ASPHD1: variants seen among roughly 807,000 people sequenced by gnomAD.
The protein encoded by ASPHD1 is aspartate beta-hydroxylase domain-containing protein 1.
Under a neutral mutation model 28.3 loss-of-function variants are expected in ASPHD1, and 20 were observed. That is an observed-to-expected ratio of 0.71 (90% confidence interval 0.50 to 1.03). The LOEUF is 1.03. Ranked by LOEUF, ASPHD1 falls within the 50% of genes least tolerant of loss-of-function variation. The pLI is 0.00. For synonymous variants in ASPHD1, 240 were observed against 221.2 expected (o/e 1.08, Z -0.75); for missense variants, 479 against 524.1 (o/e 0.91, Z 0.84).
chr16:29,904,913 G>A lies in ASPHD1; in HGVS notation c.1011G>A (p.Glu337=), dbSNP rs779282127. The change falls in exon 2 of 3, where the codon GAG becomes GAA. Residue 337 remains glutamate, a synonymous_variant. Coordinates refer to ENST00000308748, the MANE Select transcript of ASPHD1 (RefSeq NM_181718.4). ...VVGGEPQCWA[E]GHCLLVDDSF... Reference sequence around the variant, plus strand: ...GCGGTGAGCCCCAGTGCTGGGCTGAGGGGCACTGTCTACTGGTGGACGACT... The same window carrying A: ...GCGGTGAGCCCCAGTGCTGGGCTGAAGGGCACTGTCTACTGGTGGACGACT... 3.7e-6 allele frequency: 6 copies of A among 1,613,470 alleles called. No individual in the cohort carries two copies. Among genetic ancestry groups the A allele is most frequent in the Non-Finnish European group, 5.1e-6 (6 of 1,179,856 alleles).
chr16:29,908,077 C>CT (rs138027680), downstream of ASPHD1, among the ~76,000 whole-genome samples: 3,828 of 151,268 alleles, frequency 0.025, 178 homozygotes, highest in African/African-American at 0.086. Context: ...AGTGTTACAA[C>CT]TTTAAGAAGG....
chr16:29,906,057 C>T (rs1340536465), downstream of ASPHD1: 14 of 531,542 alleles, frequency 2.6e-5, no homozygotes, highest in Non-Finnish European at 4.6e-5. Context: ...CCTCTCCTAA[C>T]TCCCGACTAC....
intron 3 of ASPHD1, chr16:29,915,149 A>T (rs2068788009): frequency 6.6e-6 from 1 of 152,168 alleles, no homozygotes; most frequent in South Asian, 2.1e-4. Context: ...CACCTCTTCC[A>T]TGAAAGATGT....
intron 3 of ASPHD1, chr16:29,914,663 C>T (rs541540897): frequency 1.3e-5 from 2 of 152,384 alleles, no homozygotes; most frequent in African/African-American, 4.8e-5. Context: ...TAACTCCTGA[C>T]CTCAGGTGAT....
At position 29,900,865 on chromosome 16, in the gene ASPHD1, G is replaced by T; in HGVS notation, c.-107G>T. ...GAAGCAGAGCGAGAGAGAGGAGGCT[G>T]CTGGAAGGAGAAAGAAGAGGGTGAG... On this transcript the variant is annotated 5_prime_UTR_variant, in exon 1 of 3. Transcript: ENST00000308748. 1 of 981,018 alleles carries T rather than the reference G, an allele frequency of 1.0e-6. No homozygotes were observed. Among genetic ancestry groups the T allele is most frequent in the Non-Finnish European group, 1.5e-6 (1 of 653,464 alleles). The allele number at this position is 981,018 out of a possible 1,614,324, so 60.8% of individuals were successfully genotyped here.
downstream of ASPHD1, among the ~76,000 whole-genome samples, chr16:29,909,905 A>G (rs1308736208): frequency 6.6e-6 from 1 of 151,802 alleles, no homozygotes; most frequent in East Asian, 1.9e-4. Flanking sequence ...TCTCTACTAA[A>G]GAGACTTCTC....
rs1476392507 is a variant in ASPHD1, at chr16:29,901,947, C to G, written c.949+27C>G. ...TAAGTAGCTGCCGCCTACTGACAAC[C>G]TCCTTGCCTCGATGATTTCCCCCCC... is the stretch of plus-strand genomic sequence containing the variant. On this transcript the variant is annotated intron_variant, in intron 1 of 2. Coordinates refer to ENST00000308748, the MANE Select transcript of ASPHD1 (RefSeq NM_181718.4). The surrounding 1 kb of genome is among the most constrained non-coding windows in gnomAD (Gnocchi z 5.1). 6.9e-7 allele frequency: 1 copy of G among 1,441,110 alleles called. No individual in the cohort carries two copies. The highest frequency in any genetic ancestry group is 1.5e-5 in the African/African-American group (1 of 67,916). 89.3% of individuals were successfully genotyped at this position (1,441,110 alleles called of 1,614,324 possible).
rs527797582 is a variant in ASPHD1 at position 29,919,149 on chromosome 16, G to T, written c.*63-382G>T. On this transcript the variant is annotated intron_variant and NMD_transcript_variant, in intron 3 of 3. Transcript: ENST00000414952. ...TTTACAGGAAATTAAGGATAAGGCTGGGTAATAAACCAAACGATACCGGGA... is the reference window on the plus strand; with the variant it reads ...TTTACAGGAAATTAAGGATAAGGCTTGGTAATAAACCAAACGATACCGGGA... Among the ~76,000 whole-genome samples, 15 of 152,312 alleles carry T rather than the reference G, an allele frequency of 9.8e-5. No homozygotes were observed. In the East Asian group the frequency reaches 2.7e-3, roughly 27 times the overall value.
downstream of ASPHD1, among the ~76,000 whole-genome samples, chr16:29,909,249 G>C (rs538885528): frequency 2.0e-4 from 31 of 152,256 alleles, no homozygotes; most frequent in Admixed American, 5.9e-4. Flanking sequence ...GACCAACTTT[G>C]GGGTTGCTGG....
At chr16:29,913,478 G>A (rs1330968519) in intron 3 of ASPHD1, 1 of 152,192 alleles carries the variant, frequency 6.6e-6, no homozygotes, top group Non-Finnish European at 1.5e-5. Flanking sequence ...ATCTATCACT[G>A]TGTAACAAAC....
In ASPHD1 at chr16:29,901,780, G is replaced by A. The variant is rs1436467898; in HGVS notation, c.809G>A (p.Gly270Glu). The change falls in exon 1 of 3, where the codon GGG becomes GAG. Residue 270 changes from glycine (G) to glutamate (E), a missense_variant. Transcript: ENST00000308748. The surrounding 1 kb of genome is among the most constrained non-coding windows in gnomAD (Gnocchi z 5.1). ...CQPSNCRRCPGAYRALRGLRS... is the reference protein window; with the variant it reads ...CQPSNCRRCPEAYRALRGLRS... ...CCCAGCAACTGCCGCCGGTGCCCGG[G>A]GGCCTATCGGGCACTGAGGGGGCTT... 3.2e-6 allele frequency: 5 copies of A among 1,557,102 alleles called. No individual in the cohort carries two copies. The highest frequency in any genetic ancestry group is 1.4e-5 in the African/African-American group (1 of 72,612).
At chr16:29,910,558 G>A (rs556719099), downstream of ASPHD1, among the ~76,000 whole-genome samples, 15 of 152,116 alleles carry the variant, frequency 9.9e-5, no homozygotes, top group East Asian at 1.7e-3. Flanking sequence ...CAGGTCCCAC[G>A]ATGTTGCCCA....
At chr16:29,903,104 C>T (rs1021513694) in intron 1 of ASPHD1, among the ~76,000 whole-genome samples, 1 of 150,816 alleles carries the variant, frequency 6.6e-6, no homozygotes, top group African/African-American at 2.4e-5. Flanking sequence ...GCCTGTAATC[C>T]CAGCACTTTG....
chr16:29,911,975 C>T (rs2068721486), intron 3 of ASPHD1: 1 of 1,611,640 alleles, frequency 6.2e-7, no homozygotes. Context: ...AGGTGCTGGC[C>T]AGGAGCTGCT....
At position 29,901,193 on chromosome 16, in the gene ASPHD1, C is replaced by T. The variant is rs148270044; in HGVS notation, c.222C>T (p.Pro74=). Residue 74 remains proline (P), a synonymous_variant, in exon 1 of 3, where the codon CCC becomes CCT. Transcript: ENST00000308748. This position sits in a 1 kb window ranked among gnomAD's most constrained non-coding sequence, Gnocchi z 5.1. The part of the protein sequence containing the change: ...ASLIMLPWPL[P]LASSALTLLF... ...TGATCATGCTCCCGTGGCCACTACCCCTGGCCTCCTCGGCCCTCACCTTGC... is the reference window on the plus strand; with the variant it reads ...TGATCATGCTCCCGTGGCCACTACCTCTGGCCTCCTCGGCCCTCACCTTGC... 1.1e-3 allele frequency: 1,830 copies of T among 1,613,706 alleles called. 9 individuals are homozygous for T. In the African/African-American group the frequency reaches 0.016, roughly 14 times the overall value.
At position 29,901,770 on chromosome 16, in the gene ASPHD1, C is replaced by T. The variant is rs759683898; in HGVS notation, c.799C>T (p.Arg267Trp). ...AGRCQPSNCR[R>W]CPGAYRALRG... ...CCGGTGCCAACCCAGCAACTGCCGC[C>T]GGTGCCCGGGGGCCTATCGGGCACT... is the stretch of plus-strand genomic sequence containing the variant. Residue 267 changes from arginine (R) to tryptophan (W), a missense_variant, in exon 1 of 3, where the codon CGG becomes TGG. Coordinates refer to ENST00000308748, the MANE Select transcript of ASPHD1 (RefSeq NM_181718.4). This position sits in a 1 kb window ranked among gnomAD's most constrained non-coding sequence, Gnocchi z 5.1. 2.6e-6 allele frequency: 4 copies of T among 1,552,654 alleles called. No homozygotes were observed. Among genetic ancestry groups the T allele is most frequent in the Non-Finnish European group, 3.5e-6 (4 of 1,149,106 alleles).
intron 1 of ASPHD1, among the ~76,000 whole-genome samples, chr16:29,902,827 T>C (rs895975555): frequency 3.3e-5 from 5 of 151,892 alleles, no homozygotes; most frequent in Admixed American, 6.6e-5. Context: ...ACACCTTCTT[T>C]TTTAAAAGGG....
chr16:29,911,237 G>T (rs1321405971), intron 3 of ASPHD1: 2 of 1,297,632 alleles, frequency 1.5e-6, no homozygotes, highest in African/African-American at 2.9e-5. Context: ...ACCCCCAGAA[G>T]ACGGGCCTGG....
intron 1 of ASPHD1, among the ~76,000 whole-genome samples, chr16:29,903,343 C>T (rs374606765): frequency 1.3e-5 from 2 of 151,778 alleles, no homozygotes; most frequent in Non-Finnish European, 1.5e-5. Context: ...GCAACAAGAG[C>T]GAAACTTCAT....
Sources: gnomAD v4.1 joint callset for allele counts (sites outside exome capture counted in the v4.1 genomes callset) on GRCh38, gnomAD v4.1.1 for gene constraint, Gnocchi (gnomAD v3.1) non-coding constraint, MANE v1.5 for transcripts, NCBI Gene and HGNC (gene_info 2026-07-23, HGNC 2026-07-21) for gene names.